The following ZFYVE26 variants were observed in gnomAD, a reference collection of about 807,000 sequenced individuals.
The protein encoded by ZFYVE26 is zinc finger FYVE domain-containing protein 26.
In ZFYVE26, 181 loss-of-function variants were observed where a neutral mutation model predicts 276.5. The observed-to-expected ratio is 0.65, with a 90% CI of 0.58 to 0.74. The LOEUF (loss-of-function observed/expected upper bound fraction) is 0.74, where lower values mean the gene tolerates loss of function less well. Among genes scored for constraint, ZFYVE26 ranks in the 30% least tolerant of loss-of-function variants. ZFYVE26 has a pLI of 0.00. For missense variants in ZFYVE26, 2,821 were observed against 3,097.9 expected, an observed-to-expected ratio of 0.91 and a Z score of 2.12; for synonymous variants, 1,129 against 1,203.1, an observed-to-expected ratio of 0.94 and a Z score of 1.27.
chr14:67,775,818 C>T (rs2140212137), intron 26 of ZFYVE26, 42 bp downstream of exon 26: 2 of 1,613,686 alleles, frequency 1.2e-6, no homozygotes, highest in Non-Finnish European at 8.5e-7. Context: ...CATGGCATTT[C>T]TTCCTCCATG....
intron 35 of ZFYVE26, among the ~76,000 whole-genome samples, chr14:67,758,659 G>A (rs534915808): frequency 2.6e-5 from 4 of 151,110 alleles, no homozygotes; most frequent in African/African-American, 4.9e-5. Flanking sequence ...ATTTTGAGAT[G>A]GAGTCTTACT....
intron 28 of ZFYVE26, chr14:67,770,590 T>C (rs1029601801): frequency 1.3e-5 from 2 of 152,210 alleles, no homozygotes; most frequent in African/African-American, 4.8e-5. Context: ...TTATATACCT[T>C]CTCTATACAT....
At chr14:67,755,427 T>G (rs539561209) in intron 36 of ZFYVE26, among the ~76,000 whole-genome samples, 177 bp from the exon 37 acceptor site, 1 of 152,278 alleles carries the variant, frequency 6.6e-6, no homozygotes, top group African/African-American at 2.4e-5. Flanking sequence ...GATCCTGAAG[T>G]GCACTGACTG....
chr14:67,790,343 A>G (rs2039777823), intron 15 of ZFYVE26, among the ~76,000 whole-genome samples: 1 of 152,240 alleles, frequency 6.6e-6, no homozygotes, highest in African/African-American at 2.4e-5. Context: ...TAAATCACAC[A>G]GGATAAGCTT....
rs759993211 is a variant in ZFYVE26 at position 67,783,445 on chromosome 14, G to T, written c.3707C>A (p.Ala1236Asp). The T allele has an allele frequency of 9.3e-6, 15 of 1,614,154 alleles. No homozygotes were observed. The highest frequency in any genetic ancestry group is 1.3e-5 in the Non-Finnish European group (15 of 1,180,044). ...CTGGCTTTGCCGGGATGAGCAAAGA[G>T]CAAGGGGCTCACAGCAGCAGCTGAC... is the stretch of plus-strand genomic sequence containing the variant. ...VIVSCCCEPL[A>D]LCSSRQSQQT... Residue 1236 changes from alanine to aspartate, a missense_variant, in exon 21 of 42, where the codon GCT (alanine) becomes GAT (aspartate). Ala to Asp is a moderately radical substitution (Grantham distance 126). Coordinates refer to ENST00000347230, the MANE Select transcript of ZFYVE26 (RefSeq NM_015346.4).
At chr14:67,804,896 G>A (rs576230570) in intron 8 of ZFYVE26, among the ~76,000 whole-genome samples, 3 of 152,200 alleles carry the variant, frequency 2.0e-5, no homozygotes, top group Non-Finnish European at 2.9e-5. Context: ...TAGGATTATT[G>A]TGAGGCTTAA....
At chr14:67,762,898 A>G in intron 32 of ZFYVE26, 79 bp from the exon 33 acceptor site, 1 of 1,579,006 alleles carries the variant, frequency 6.3e-7, no homozygotes, top group South Asian at 1.1e-5. Flanking sequence ...TTCCTATTCC[A>G]TTTTCTTTTT....
chr14:67,764,777 G>A (rs2039016124), intron 32 of ZFYVE26, among the ~76,000 whole-genome samples: 1 of 152,136 alleles, frequency 6.6e-6, no homozygotes, highest in Non-Finnish European at 1.5e-5. Flanking sequence ...AGACGCGCAA[G>A]ACACCTTGGG....
At chr14:67,806,781 T>C in intron 5 of ZFYVE26, 106 bp from the exon 6 acceptor site, 2 of 1,375,956 alleles carry the variant, frequency 1.5e-6, no homozygotes, top group Non-Finnish European at 2.0e-6. Flanking sequence ...TTTTAAAAAC[T>C]TAGGCTGGGT....
downstream of ZFYVE26, among the ~76,000 whole-genome samples, chr14:67,742,016 T>C (rs1328450523): frequency 3.3e-5 from 5 of 152,216 alleles, no homozygotes; most frequent in Non-Finnish European, 7.3e-5. Flanking sequence ...CACGGAGCGG[T>C]CCATCTCTCT....
chr14:67,811,411 A>T (rs72723194), intron 3 of ZFYVE26, among the ~76,000 whole-genome samples: 2,503 of 152,312 alleles, frequency 0.016, 32 homozygotes, highest in Non-Finnish European at 0.022. Context: ...GCAAAAATTT[A>T]AAAAACTGGC....
chr14:67,739,107 G>A (rs146388184), intron 13 of ZFYVE26, among the ~76,000 whole-genome samples: 153 of 152,276 alleles, frequency 1.0e-3, no homozygotes, highest in Non-Finnish European at 1.8e-3. Context: ...AATCATGGCC[G>A]GTGGGATGTG....
chr14:67,760,930 T>A (rs2038912758), intron 35 of ZFYVE26: 2 of 399,704 alleles, frequency 5.0e-6, no homozygotes, highest in Non-Finnish European at 4.6e-6. Flanking sequence ...CATGGTTACT[T>A]CCTGGCCCTT....
At chr14:67,803,965 G>A (rs1003219666) in intron 9 of ZFYVE26, 136 bp downstream of exon 9, 1 of 1,127,540 alleles carries the variant, frequency 8.9e-7, no homozygotes, top group Non-Finnish European at 1.3e-6. Context: ...GACAAACAGT[G>A]CTCATTTAGA....
chr14:67,729,271 C>T lies in ZFYVE26; in HGVS notation n.3228G>A, dbSNP rs1185491186. 6.2e-7 allele frequency: 1 copy of T among 1,606,714 alleles called. No homozygotes were observed. The highest frequency in any genetic ancestry group is 8.5e-7 in the Non-Finnish European group (1 of 1,179,958). Reference sequence around the variant, plus strand: ...CCGGCACTCCTCCCTGCTCTGCCTGCTCTGGCGGCTCTTCTCCCCCTTTGT... The same window carrying T: ...CCGGCACTCCTCCCTGCTCTGCCTGTTCTGGCGGCTCTTCTCCCCCTTTGT... On this transcript the variant is annotated non_coding_transcript_exon_variant, in exon 14 of 15. Transcript: ENST00000394455.
intron 13 of ZFYVE26, chr14:67,733,855 G>A (rs766060227): frequency 1.9e-6 from 3 of 1,598,404 alleles, no homozygotes; most frequent in Non-Finnish European, 1.7e-6. Flanking sequence ...GTAGCTGGTG[G>A]AAGAGCTGCA....
At chr14:67,796,027 A>G (rs1317537718) in intron 12 of ZFYVE26, among the ~76,000 whole-genome samples, 1 of 152,208 alleles carries the variant, frequency 6.6e-6, no homozygotes, top group East Asian at 1.9e-4. Flanking sequence ...TGATGAGAGT[A>G]TGTGCAAACA....
intron 27 of ZFYVE26, among the ~76,000 whole-genome samples, chr14:67,773,584 T>C (rs942636887): frequency 3.5e-5 from 4 of 113,976 alleles, no homozygotes; most frequent in African/African-American, 1.2e-4. Flanking sequence ...CCAAAGCTGC[T>C]CAGGCTGCCA....
At chr14:67,739,938 T>C (rs973632080) in intron 13 of ZFYVE26, among the ~76,000 whole-genome samples, 1 of 152,178 alleles carries the variant, frequency 6.6e-6, no homozygotes, top group African/African-American at 2.4e-5. Flanking sequence ...TACAATATAA[T>C]AAAAGTTTAT....
Sources: gnomAD v4.1 joint callset for allele counts (sites outside exome capture counted in the v4.1 genomes callset) on GRCh38, gnomAD v4.1.1 for gene constraint, MANE v1.5 for transcripts, NCBI Gene and HGNC (gene_info 2026-07-23, HGNC 2026-07-21) for gene names.